The following GPBP1 variants were observed in gnomAD, a reference collection of about 807,000 sequenced individuals.
GPBP1 encodes the protein vasculin.
Under a neutral mutation model 56.5 loss-of-function variants are expected in GPBP1, and 13 were observed. The ratio of observed to expected loss-of-function variants is 0.23; its 90% CI spans 0.15 to 0.37. GPBP1 has a LOEUF of 0.37. Among genes scored for constraint, GPBP1 ranks in the 10% least tolerant of loss-of-function variants. GPBP1 has a pLI of 1.00. For missense variants in GPBP1, 477 were observed against 572.3 expected (o/e 0.83, Z 1.70); for synonymous variants, 204 against 188.9 (o/e 1.08, Z -0.66).
At chr5:57,239,041 T>C (rs1224453927) in intron 6 of GPBP1, among the ~76,000 whole-genome samples, 1 of 152,230 alleles carries the variant, frequency 6.6e-6, no homozygotes, top group African/African-American at 2.4e-5. Context: ...GGAACTTTGG[T>C]AAACAGAATT....
At chr5:57,200,051 T>G (rs1329107595) in intron 2 of GPBP1, among the ~76,000 whole-genome samples, 7 of 67,694 alleles carry the variant, frequency 1.0e-4, no homozygotes, top group Admixed American at 4.4e-4. Flanking sequence ...TTTTTTTTTC[T>G]GAAACAAGTC....
chr5:57,260,896 G>T (rs912636579), intron 10 of GPBP1, among the ~76,000 whole-genome samples: 5 of 152,148 alleles, frequency 3.3e-5, no homozygotes, highest in African/African-American at 1.2e-4. Context: ...GAATTTAGCA[G>T]ATTTGCTTCA....
At chr5:57,174,943 G>T (rs1202228336) in intron 1 of GPBP1, among the ~76,000 whole-genome samples, 1 of 152,096 alleles carries the variant, frequency 6.6e-6, no homozygotes, top group Non-Finnish European at 1.5e-5. Context: ...CACCTTTCTG[G>T]CCTTACTGGG....
At chr5:57,225,887 T>G (rs1442836623) in intron 3 of GPBP1, among the ~76,000 whole-genome samples, 2 of 152,212 alleles carry the variant, frequency 1.3e-5, no homozygotes, top group Non-Finnish European at 2.9e-5. Flanking sequence ...AAATCTGCAT[T>G]TGAACACTCA....
At chr5:57,260,794 A>G (rs1741863713) in intron 10 of GPBP1, among the ~76,000 whole-genome samples, 1 of 152,190 alleles carries the variant, frequency 6.6e-6, no homozygotes, top group South Asian at 2.1e-4. Flanking sequence ...TGCAGTGTTC[A>G]TGACTGCCCA....
intron 2 of GPBP1, among the ~76,000 whole-genome samples, chr5:57,204,267 T>C (rs1755139430): frequency 6.6e-6 from 1 of 152,168 alleles, no homozygotes; most frequent in African/African-American, 2.4e-5. Flanking sequence ...TCTTGTTTTT[T>C]TTTGGTCAGT....
At chr5:57,226,158 T>G (rs1044865435) in intron 3 of GPBP1, among the ~76,000 whole-genome samples, 1 of 152,202 alleles carries the variant, frequency 6.6e-6, no homozygotes, top group Non-Finnish European at 1.5e-5. Flanking sequence ...GGGTAACTTT[T>G]GGCCCATTTG....
chr5:57,264,476 A>G lies in GPBP1; in HGVS notation c.*1724A>G, dbSNP rs1316860089. On this transcript the variant is annotated 3_prime_UTR_variant, in exon 12 of 12. Transcript: ENST00000506184. ...AGAAGGAACCTGAGGAATGTGGTTT[A>G]CATTTGAGATCCACCTTACTGTGTT... 1 of 152,186 alleles carries G rather than the reference A, an allele frequency of 6.6e-6. No homozygotes were observed. Among genetic ancestry groups the G allele is most frequent in the Admixed American group, 6.5e-5 (1 of 15,274 alleles). 9.4% of individuals were successfully genotyped at this position (152,186 alleles called of 1,614,324 possible).
intron 2 of GPBP1, among the ~76,000 whole-genome samples, chr5:57,207,442 G>A (rs1222571071): frequency 6.6e-6 from 1 of 152,104 alleles, no homozygotes; most frequent in East Asian, 1.9e-4. Flanking sequence ...TCTCTAGGGA[G>A]AGCATGCAGA....
At chr5:57,230,752 A>T in intron 3 of GPBP1, 94 bp from the exon 4 acceptor site, 1 of 1,082,768 alleles carries the variant, frequency 9.2e-7, no homozygotes. Context: ...TTAATCATTT[A>T]AAATTTTTGG....
intron 2 of GPBP1, 101 bp from the exon 3 acceptor site, chr5:57,213,973 A>G (rs1288054369): frequency 2.8e-5 from 16 of 574,666 alleles, no homozygotes; most frequent in African/African-American, 3.8e-5. Context: ...TTCATTATAA[A>G]TAGAATCCTA....
intron 11 of GPBP1, among the ~76,000 whole-genome samples, chr5:57,262,012 G>C (rs1051815437): frequency 3.9e-5 from 6 of 152,176 alleles, no homozygotes; most frequent in African/African-American, 1.2e-4. Flanking sequence ...TTCCTGAGCA[G>C]CTGGGGCTAC....
chr5:57,187,351 G>A (rs973907108), intron 2 of GPBP1, among the ~76,000 whole-genome samples: 3 of 152,282 alleles, frequency 2.0e-5, no homozygotes, highest in Non-Finnish European at 4.4e-5. Context: ...GGATGTAAAA[G>A]TATCAACTTA....
chr5:57,239,277 CTGAAT>C (rs1241492576), intron 6 of GPBP1, among the ~76,000 whole-genome samples: 1 of 152,076 alleles, frequency 6.6e-6, no homozygotes, highest in Admixed American at 6.6e-5. Context: ...TTTATTTGGT[CTGAAT>C]TACTTGTTCA....
chr5:57,262,132 A>G (rs1022726204), intron 11 of GPBP1, among the ~76,000 whole-genome samples: 3 of 152,148 alleles, frequency 2.0e-5, no homozygotes, highest in African/African-American at 7.2e-5. Context: ...CTTATTTATT[A>G]CCAACCTTTT....
chr5:57,217,266 A>G (rs1755736640), intron 3 of GPBP1, among the ~76,000 whole-genome samples: 1 of 152,030 alleles, frequency 6.6e-6, no homozygotes, highest in African/African-American at 2.4e-5. Flanking sequence ...AGCATGATCT[A>G]GTGTGTAAAC....
At chr5:57,207,375 C>G (rs1431699904) in intron 2 of GPBP1, among the ~76,000 whole-genome samples, 4 of 152,100 alleles carry the variant, frequency 2.6e-5, no homozygotes, top group Non-Finnish European at 5.9e-5. Flanking sequence ...CTCTTATCCC[C>G]TTTGCAGGGC....
intron 3 of GPBP1, among the ~76,000 whole-genome samples, chr5:57,222,821 G>A (rs139576841): frequency 6.6e-6 from 1 of 152,216 alleles, no homozygotes; most frequent in South Asian, 2.1e-4. Flanking sequence ...TTTATGGGGA[G>A]GGGGGCAGGT....
chr5:57,239,844 A>G (rs905277322), intron 6 of GPBP1, among the ~76,000 whole-genome samples: 1 of 151,970 alleles, frequency 6.6e-6, no homozygotes, highest in Non-Finnish European at 1.5e-5. Context: ...GATCTTAAAC[A>G]TTTTTTTTGG....
Sources: allele counts gnomAD v4.1 joint callset (sites outside exome capture counted in the v4.1 genomes callset), GRCh38; gene constraint gnomAD v4.1.1; transcripts MANE v1.5; gene names NCBI Gene and HGNC (gene_info 2026-07-23, HGNC 2026-07-21).